Variants in CCDC92 observed in about 807,000 individuals in gnomAD.
The protein encoded by CCDC92 is coiled-coil domain-containing protein 92.
Under a neutral mutation model 24.9 loss-of-function variants are expected in CCDC92, and 12 were observed. The ratio of observed to expected loss-of-function variants is 0.48; its 90% CI spans 0.31 to 0.78. The LOEUF is 0.78. Among genes scored for constraint, CCDC92 ranks in the 30% least tolerant of loss-of-function variants. The pLI, the probability that CCDC92 is intolerant of heterozygous loss-of-function variation, is 0.05. For synonymous variants in CCDC92, 193 were observed against 196.3 expected, an observed-to-expected ratio of 0.98 and a Z score of 0.14; for missense variants, 399 against 439.4, an observed-to-expected ratio of 0.91 and a Z score of 0.82.
intron 1 of CCDC92, among the ~76,000 whole-genome samples, chr12:123,963,200 C>G (rs1341037498): frequency 2.0e-5 from 3 of 152,158 alleles, no homozygotes; most frequent in Admixed American, 6.6e-5. Flanking sequence ...GCTGAGAAAC[C>G]CCCAGGGTTA....
rs1955514701 is a variant in CCDC92 at position 123,936,931 on chromosome 12, G to A, written c.*127C>T. 2.0e-6 allele frequency: 2 copies of A among 1,016,300 alleles called. No individual in the cohort carries two copies. Among genetic ancestry groups the A allele is most frequent in the Non-Finnish European group, 2.9e-6 (2 of 690,212 alleles). The allele number at this position is 1,016,300 out of a possible 1,614,324, so 63.0% of individuals were successfully genotyped here. On this transcript the variant is annotated 3_prime_UTR_variant, in exon 5 of 5. Coordinates refer to ENST00000238156, the MANE Select transcript of CCDC92 (RefSeq NM_025140.3). ...TGTGAAGAAGAGGGCAAGAGAAGCA[G>A]AAGGAGAATGGGTCGGTAGGTGTGA...
chr12:123,936,614 C>G lies in CCDC92; in HGVS notation c.*444G>C, dbSNP rs1033407013. ...GTGACAGGGGTCTCCAGGAGGAGCT[C>G]GGGAGGTGACAAGGGTCTCCAGGAG... On this transcript the variant is annotated 3_prime_UTR_variant, in exon 5 of 5. Transcript: ENST00000238156. The G allele has an allele frequency of 2.7e-5, 5 of 185,554 alleles. No individual in the cohort carries two copies. Among genetic ancestry groups the G allele is most frequent in the African/African-American group, 1.2e-4 (5 of 42,068 alleles). 11.5% of individuals were successfully genotyped at this position (185,554 alleles called of 1,614,324 possible). A position where few individuals can be genotyped will look rare whatever the true frequency, so the allele number is the denominator to read the frequency against.
intron 1 of CCDC92, among the ~76,000 whole-genome samples, chr12:123,960,338 C>A (rs1477350135): frequency 1.3e-5 from 2 of 152,112 alleles, no homozygotes; most frequent in Non-Finnish European, 2.9e-5. Context: ...TCTCTGATTG[C>A]CGTAATGGGA....
rs1955778737 is a variant in CCDC92, at chr12:123,944,255, AG to A, written c.34+16del. 1 of 1,534,098 alleles carries A rather than the reference AG, an allele frequency of 6.5e-7. No homozygotes were observed. Among genetic ancestry groups the A allele is most frequent in the African/African-American group, 1.4e-5 (1 of 72,976 alleles). ...AGCTTCCAGCATCTGATGCTCACTC[AG>A]GGCCCCAGACTCTACCTTCATCGTA... On this transcript the variant is annotated intron_variant, in intron 2 of 4. Coordinates refer to ENST00000238156, the MANE Select transcript of CCDC92 (RefSeq NM_025140.3).
chr12:123,944,682 GA>G (rs1437567351), intron 1 of CCDC92: 1 of 181,494 alleles, frequency 5.5e-6, no homozygotes, highest in Non-Finnish European at 1.1e-5. Context: ...TTCATCACAC[GA>G]AAACACTTCC....
At chr12:123,942,483 AG>A (rs1248325355) in intron 4 of CCDC92, among the ~76,000 whole-genome samples, 1 of 152,268 alleles carries the variant, frequency 6.6e-6, no homozygotes, top group African/African-American at 2.4e-5. Flanking sequence ...TAGGAAAATC[AG>A]AAAAACATAT....
chr12:123,937,205 CT>C lies in CCDC92; in HGVS notation c.848del (p.Lys283SerfsTer25). On this transcript the variant is annotated frameshift_variant, in exon 5 of 5. Coordinates refer to ENST00000238156, the MANE Select transcript of CCDC92 (RefSeq NM_025140.3). LOFTEE classifies it high-confidence loss of function. The surrounding 1 kb of genome is among the most constrained non-coding windows in gnomAD (Gnocchi z 8.4). ...CCACCCCGACGTGGGCCTTGTGCGG[CT>C]TTTCGCGGGCCGGGCTGTGCTGCTC... The part of the protein sequence containing the change: ...SGEQHSPARE[K>X]PHKAHVGVAH... The C allele has an allele frequency of 6.2e-7, 1 of 1,609,650 alleles. No individual in the cohort carries two copies.
chr12:123,958,953 AAT>A (rs1956212242), intron 1 of CCDC92, among the ~76,000 whole-genome samples: 1 of 152,210 alleles, frequency 6.6e-6, no homozygotes, highest in African/African-American at 2.4e-5. Flanking sequence ...CTGAAGAGGT[AAT>A]GTTCTCTCCC....
intron 1 of CCDC92, chr12:123,966,549 A>G (rs1956397461): frequency 6.6e-6 from 1 of 152,148 alleles, no homozygotes; most frequent in African/African-American, 2.4e-5. Context: ...ACATCACTTC[A>G]ACCTTCCTTC....
intron 1 of CCDC92, among the ~76,000 whole-genome samples, chr12:123,967,182 C>A (rs1316827613): frequency 6.6e-6 from 1 of 151,962 alleles, no homozygotes; most frequent in Non-Finnish European, 1.5e-5. Flanking sequence ...AGCAATAGGG[C>A]ATGTCAATGA....
intron 1 of CCDC92, among the ~76,000 whole-genome samples, chr12:123,958,133 A>C (rs1429090018): frequency 6.6e-6 from 1 of 152,084 alleles, no homozygotes; most frequent in East Asian, 1.9e-4. Flanking sequence ...AGCTCACCAC[A>C]ACCTCTGCCT....
At chr12:123,940,429 T>G (rs1056438968) in intron 4 of CCDC92, among the ~76,000 whole-genome samples, 1 of 152,186 alleles carries the variant, frequency 6.6e-6, no homozygotes, top group African/African-American at 2.4e-5. Flanking sequence ...GGTGCAGCCT[T>G]GGCTCCGGGC....
At chr12:123,961,591 A>G (rs939265740) in intron 1 of CCDC92, among the ~76,000 whole-genome samples, 1 of 152,218 alleles carries the variant, frequency 6.6e-6, no homozygotes, top group African/African-American at 2.4e-5. Context: ...AGCAATGGGG[A>G]AAAGCTAAGT....
At chr12:123,947,488 C>A in intron 1 of CCDC92, among the ~76,000 whole-genome samples, 1 of 152,200 alleles carries the variant, frequency 6.6e-6, no homozygotes, top group Non-Finnish European at 1.5e-5. Flanking sequence ...CACCAATTGG[C>A]ACTCTGTATC....
intron 1 of CCDC92, among the ~76,000 whole-genome samples, chr12:123,965,730 C>T (rs1956377158): frequency 6.6e-6 from 1 of 152,226 alleles, no homozygotes; most frequent in Admixed American, 6.5e-5. Flanking sequence ...CTTGGTAGCT[C>T]CAAAGTGCCT....
At chr12:123,970,962 T>C (rs900008746) in intron 1 of CCDC92, among the ~76,000 whole-genome samples, 16 of 151,956 alleles carry the variant, frequency 1.1e-4, no homozygotes, top group Non-Finnish European at 2.9e-5. Flanking sequence ...TTATCCAATT[T>C]TGCAATTTAT....
rs182525468 is a variant in CCDC92, at chr12:123,956,694, G to C, written c.-59-12330C>G. ...AATTCTAACATCCAGAGACCAGTGAGAGAACGGTAGAAGGCAAATAGGTGT... is the reference window on the plus strand; with the variant it reads ...AATTCTAACATCCAGAGACCAGTGACAGAACGGTAGAAGGCAAATAGGTGT... On this transcript the variant is annotated intron_variant, in intron 1 of 4. Transcript: ENST00000238156. Among the ~76,000 whole-genome samples, 111 of 152,342 alleles carry C rather than the reference G, an allele frequency of 7.3e-4. 1 individual carries two copies. Among genetic ancestry groups the C allele is most frequent in the African/African-American group, 2.6e-3 (110 of 41,568 alleles).
Position 123,937,478 on chromosome 12 carries a change from CGCTGGCTTGTA to C in CCDC92, c.565_575del (p.Tyr189AlafsTer27). ...TTTCGGGTAGCTTGTCTTTGGGGGG[CGCTGGCTTGTA>C]GCTGGCCAGCACGGGGCTCCCTGAC... On this transcript the variant is annotated frameshift_variant, in exon 5 of 5. Transcript: ENST00000238156. LOFTEE classifies it high-confidence loss of function. This position sits in a 1 kb window ranked among gnomAD's most constrained non-coding sequence, Gnocchi z 8.4. 1 of 1,612,974 alleles carries C rather than the reference CGCTGGCTTGTA, an allele frequency of 6.2e-7. No homozygotes were observed. The highest frequency in any genetic ancestry group is 8.5e-7 in the Non-Finnish European group (1 of 1,179,952).
chr12:123,967,085 T>G (rs1203748779), intron 1 of CCDC92, among the ~76,000 whole-genome samples: 4 of 152,180 alleles, frequency 2.6e-5, no homozygotes, highest in African/African-American at 4.8e-5. Context: ...AAAAACTGAC[T>G]TGACCGCTTT....
Sources: gnomAD v4.1 joint callset for allele counts (sites outside exome capture counted in the v4.1 genomes callset) on GRCh38, gnomAD v4.1.1 for gene constraint, Gnocchi (gnomAD v3.1) non-coding constraint, MANE v1.5 for transcripts, NCBI Gene and HGNC (gene_info 2026-07-23, HGNC 2026-07-21) for gene names.